Variants in MED12L observed in about 807,000 individuals in gnomAD.
MED12L encodes the protein mediator complex subunit 12L.
MED12L carries 60 observed loss-of-function variants against 281.3 expected under a neutral mutation model. That is an observed-to-expected ratio of 0.21 (90% CI 0.17 to 0.26). The LOEUF (loss-of-function observed/expected upper bound fraction) is 0.26. Among genes scored for constraint, MED12L ranks in the 10% least tolerant of loss-of-function variants. MED12L has a pLI of 1.00. For missense variants in MED12L, 2,146 were observed against 2,680.9 expected (o/e 0.80, Z 4.41); for synonymous variants, 974 against 987.2 (o/e 0.99, Z 0.25).
intron 9 of MED12L, 104 bp downstream of exon 9, chr3:151,164,146 A>G (rs1007555934): frequency 1.5e-6 from 2 of 1,295,686 alleles, no homozygotes; most frequent in Non-Finnish European, 2.1e-6. Context: ...CTTGGGTGCT[A>G]TCCCAGTTTT....
At chr3:151,098,027 A>G (rs982760551) in intron 2 of MED12L, among the ~76,000 whole-genome samples, 4 of 152,216 alleles carry the variant, frequency 2.6e-5, no homozygotes, top group Middle Eastern at 3.2e-3. Context: ...AGCACATGCA[A>G]AGGGTCGCAG....
intron 5 of MED12L, among the ~76,000 whole-genome samples, chr3:151,152,916 C>A (rs936421657): frequency 6.6e-6 from 1 of 152,206 alleles, no homozygotes; most frequent in African/African-American, 2.4e-5. Context: ...TATTTGCCTC[C>A]ATGGCGGGTG....
At chr3:151,234,664 C>A (rs1732358177) in intron 16 of MED12L, among the ~76,000 whole-genome samples, 1 of 152,170 alleles carries the variant, frequency 6.6e-6, no homozygotes, top group Admixed American at 6.5e-5. Context: ...TAATCAGAGC[C>A]CCTACAACTA....
intron 42 of MED12L, among the ~76,000 whole-genome samples, chr3:151,416,006 G>A (rs1343658892): frequency 6.6e-6 from 1 of 152,210 alleles, no homozygotes; most frequent in East Asian, 1.9e-4. Context: ...GGACATGAAA[G>A]GAATTAAAAC....
At chr3:151,220,637 G>A (rs1036724541) in intron 16 of MED12L, among the ~76,000 whole-genome samples, 1 of 152,168 alleles carries the variant, frequency 6.6e-6, no homozygotes, top group Non-Finnish European at 1.5e-5. Flanking sequence ...TTAAAAACGA[G>A]AGTTGCCCTG....
intron 16 of MED12L, among the ~76,000 whole-genome samples, chr3:151,256,166 A>G (rs1325909104): frequency 6.6e-6 from 1 of 152,236 alleles, no homozygotes; most frequent in Non-Finnish European, 1.5e-5. Flanking sequence ...CACTGTGGTT[A>G]TAGGAAGGCT....
rs754148296 is a variant in MED12L, at chr3:151,165,969, A to G, written c.1481A>G (p.Lys494Arg). 1 of 1,609,994 alleles carries G rather than the reference A, an allele frequency of 6.2e-7. No individual in the cohort carries two copies. Among genetic ancestry groups the G allele is most frequent in the Non-Finnish European group, 8.5e-7 (1 of 1,178,434 alleles). ...AAGATTTTCTGGGCAAACCAAAACA[A>G]AGATAACCAAGAGGTAGTTAATTTT... ...YHKIFWANQNKDNQEVAPNDE... is the reference protein window; with the variant it reads ...YHKIFWANQNRDNQEVAPNDE... Residue 494 changes from lysine (K) to arginine (R), a missense_variant, in exon 11 of 45, where the codon AAA (lysine) becomes AGA (arginine). Around this residue, in one of 9 missense-constraint regions of MED12L, gnomAD observed 722 missense variants for 861.2 expected, o/e 0.84. Transcript: ENST00000687756.
At chr3:151,299,482 C>T (rs1745610915) in intron 16 of MED12L, among the ~76,000 whole-genome samples, 1 of 135,236 alleles carries the variant, frequency 7.4e-6, no homozygotes, top group Admixed American at 8.1e-5. Flanking sequence ...CTCTTCCTTT[C>T]TTCCTTTTTT....
chr3:151,258,910 A>T (rs1231316546), intron 16 of MED12L, among the ~76,000 whole-genome samples: 1 of 149,798 alleles, frequency 6.7e-6, no homozygotes, highest in Admixed American at 6.7e-5. Context: ...GGCTTTGTGG[A>T]TGGGAGCTGT....
At chr3:151,372,881 A>G in intron 27 of MED12L, 115 bp downstream of exon 27, 1 of 709,110 alleles carries the variant, frequency 1.4e-6, no homozygotes, top group Non-Finnish European at 2.3e-6. Context: ...TGCTCACTTT[A>G]TTTCGAAATA....
At chr3:151,348,434 A>G (rs915028428) in intron 16 of MED12L, among the ~76,000 whole-genome samples, 2 of 151,934 alleles carry the variant, frequency 1.3e-5, no homozygotes, top group African/African-American at 4.8e-5. Flanking sequence ...AGCTCAGCTC[A>G]TTCAGATGCG....
chr3:151,370,095 A>T (rs887301997), intron 26 of MED12L, among the ~76,000 whole-genome samples: 4 of 152,070 alleles, frequency 2.6e-5, no homozygotes, highest in Admixed American at 1.3e-4. Flanking sequence ...TTTCACAATA[A>T]TTTTTTTCAT....
At chr3:151,230,022 T>C (rs1386407588) in intron 16 of MED12L, among the ~76,000 whole-genome samples, 1 of 152,070 alleles carries the variant, frequency 6.6e-6, no homozygotes, top group Non-Finnish European at 1.5e-5. Context: ...CAGGCTGGAG[T>C]GCAGTGGTGC....
At chr3:151,385,900 G>T (rs1577525881) in intron 36 of MED12L, among the ~76,000 whole-genome samples, 1 of 152,148 alleles carries the variant, frequency 6.6e-6, no homozygotes, top group East Asian at 1.9e-4. Flanking sequence ...TGAACAGTAA[G>T]CAACCACCGA....
intron 16 of MED12L, among the ~76,000 whole-genome samples, chr3:151,222,852 G>A (rs1471014060): frequency 6.6e-6 from 1 of 152,104 alleles, no homozygotes; most frequent in Non-Finnish European, 1.5e-5. Context: ...CGGGACTTTA[G>A]ACAAGAAAAA....
At chr3:151,128,818 C>T (rs567289497) in intron 5 of MED12L, among the ~76,000 whole-genome samples, 2 of 152,320 alleles carry the variant, frequency 1.3e-5, no homozygotes, top group South Asian at 4.1e-4. Flanking sequence ...GTATCTGTCA[C>T]TCTGTGCCCC....
At position 151,127,934 on chromosome 3, in the gene MED12L, C is replaced by T; in HGVS notation, c.506C>T (p.Ala169Val). Reference sequence around the variant, plus strand: ...AAGATGACTTGTGCCTATTATTCTGCTATATCTGAAGCTAAAATTAAGAAA... The same window carrying T: ...AAGATGACTTGTGCCTATTATTCTGTTATATCTGAAGCTAAAATTAAGAAA... ...LIKMTCAYYS[A>V]ISEAKIKKRQ... The change falls in exon 5 of 45, where the codon GCT becomes GTT. Residue 169 changes from alanine (A) to valine (V), a missense_variant. By Grantham distance (64) the Ala-to-Val change is moderately conservative (BLOSUM62 0). Around this residue, in one of 9 missense-constraint regions of MED12L, gnomAD observed 722 missense variants for 861.2 expected, o/e 0.84. Coordinates refer to ENST00000687756, the MANE Select transcript of MED12L (RefSeq NM_001393769.1). The T allele has an allele frequency of 6.2e-7, 1 of 1,614,064 alleles. No individual in the cohort carries two copies. The highest frequency in any genetic ancestry group is 8.5e-7 in the Non-Finnish European group (1 of 1,179,946).
At chr3:151,296,334 A>G (rs1018813757) in intron 16 of MED12L, among the ~76,000 whole-genome samples, 2 of 152,126 alleles carry the variant, frequency 1.3e-5, no homozygotes, top group Non-Finnish European at 2.9e-5. Flanking sequence ...TGGGCCTCTC[A>G]TGTCTCCTAC....
At chr3:151,398,411 A>C (rs889202370) in intron 39 of MED12L, among the ~76,000 whole-genome samples, 3 of 152,210 alleles carry the variant, frequency 2.0e-5, no homozygotes, top group Non-Finnish European at 4.4e-5. Context: ...CTAGAATTCC[A>C]TAAAATAACC....
Sources: gnomAD v4.1 joint callset for allele counts (sites outside exome capture counted in the v4.1 genomes callset) on GRCh38, gnomAD v4.1.1 for gene constraint, gnomAD v4.1.1 regional missense constraint, MANE v1.5 for transcripts, NCBI Gene and HGNC (gene_info 2026-07-23, HGNC 2026-07-21) for gene names.